BBS4: variants seen among roughly 807,000 people sequenced by gnomAD.
BBS4 encodes the protein BBSome complex member BBS4.
In BBS4, 58 loss-of-function variants were observed where a neutral mutation model predicts 71.4. The observed-to-expected ratio is 0.81, with a 90% CI of 0.66 to 1.01. BBS4 has a LOEUF of 1.01. Ranked by LOEUF, BBS4 falls within the 50% of genes least tolerant of loss-of-function variation. The pLI, the probability that BBS4 is intolerant of heterozygous loss-of-function variation, is 0.00. For missense variants in BBS4, 660 were observed against 607.9 expected (o/e 1.09, Z -0.90); for synonymous variants, 228 against 216.8 (o/e 1.05, Z -0.46).
rs575880879 is a variant in BBS4 at position 72,725,664 on chromosome 15, C to A, written c.587+1009C>A. Among the ~76,000 whole-genome samples, 26 of 150,256 alleles carry A rather than the reference C, an allele frequency of 1.7e-4. No homozygotes were observed. In the South Asian group the frequency reaches 3.9e-3, roughly 22 times the overall value. On this transcript the variant is annotated intron_variant, in intron 8 of 15. Coordinates refer to ENST00000268057, the MANE Select transcript of BBS4 (RefSeq NM_033028.5). ...GCATGAGACCAGTATCTTTTTTCCC[C>A]CTTCCCCATTTTCCCTTCCCCTTCC...
intron 8 of BBS4, among the ~76,000 whole-genome samples, chr15:72,725,163 C>T (rs975787880): frequency 6.6e-6 from 1 of 151,754 alleles, no homozygotes; most frequent in African/African-American, 2.4e-5. Flanking sequence ...TGGGCTAAAG[C>T]AATCTTCCTA....
chr15:72,727,005 T>TACA, intron 8 of BBS4, among the ~76,000 whole-genome samples: 1 of 152,180 alleles, frequency 6.6e-6, no homozygotes, highest in Admixed American at 6.5e-5. Flanking sequence ...GGGAAGCCAA[T>TACA]ATTGCTAGAA....
intron 12 of BBS4, among the ~76,000 whole-genome samples, chr15:72,733,079 G>A (rs1005874584): frequency 5.3e-5 from 8 of 152,162 alleles, no homozygotes; most frequent in Non-Finnish European, 4.4e-5. Flanking sequence ...ACTCTTGTAG[G>A]GGTTATATCT....
intron 2 of BBS4, 64 bp downstream of exon 2, chr15:72,695,292 TTTA>T (rs941803757): frequency 9.8e-6 from 12 of 1,222,024 alleles, no homozygotes; most frequent in Admixed American, 6.4e-5. Context: ...TATTTATTTA[TTTA>T]TTTTTTTTTT....
rs1177848403 is a variant in BBS4, at chr15:72,724,537, C to G, written c.469C>G (p.Gln157Glu). The G allele has an allele frequency of 2.3e-5, 37 of 1,613,832 alleles. No homozygotes were observed. The highest frequency in any genetic ancestry group is 3.1e-5 in the Non-Finnish European group (37 of 1,179,912). ...TTGTTAAACTTGTCAGGCACAAGAC[C>G]AGTTGCACAATGCCCTGAATCTTAA... ...YLKQFNKAQD[Q>E]LHNALNLNRH... Residue 157 changes from glutamine (Q) to glutamate (E), a missense_variant, in exon 8 of 16, where the codon CAG becomes GAG. By Grantham distance (29) the Gln-to-Glu change is conservative. Coordinates refer to ENST00000268057, the MANE Select transcript of BBS4 (RefSeq NM_033028.5).
Position 72,727,929 on chromosome 15 carries a change from C to CT in BBS4, c.588-10dup. 1 of 1,605,220 alleles carries CT rather than the reference C, an allele frequency of 6.2e-7. No homozygotes were observed. The highest frequency in any genetic ancestry group is 8.5e-7 in the Non-Finnish European group (1 of 1,171,960). ...ACATCTTGTTTCCCTCTGAGCATCT[C>CT]TATGTTGCAGGTTCTCACCAGAAAA... On this transcript the variant is annotated splice_polypyrimidine_tract_variant and intron_variant, in intron 8 of 15. Coordinates refer to ENST00000268057, the MANE Select transcript of BBS4 (RefSeq NM_033028.5).
At chr15:72,702,862 CAG>C (rs2065197252) in intron 2 of BBS4, among the ~76,000 whole-genome samples, 1 of 121,684 alleles carries the variant, frequency 8.2e-6, no homozygotes, top group Non-Finnish European at 1.6e-5. Context: ...GGCTGGAGTG[CAG>C]TGGCGGGATC....
Position 72,736,153 on chromosome 15 carries a change from G to A in BBS4, c.1248+187G>A, listed in dbSNP as rs114529591. Among the ~76,000 whole-genome samples the A allele has an allele frequency of 2.3e-3, 347 of 151,706 alleles. 1 individual carries two copies. Among genetic ancestry groups the A allele is most frequent in the African/African-American group, 8.2e-3 (340 of 41,346 alleles). ...AACTTTCCTAGAATAATAATAAAAG[G>A]AAATTCAGGCTTACTGAGTTGTTAT... On this transcript the variant is annotated intron_variant, in intron 14 of 15. Transcript: ENST00000268057.
intron 9 of BBS4, among the ~76,000 whole-genome samples, chr15:72,728,902 T>C (rs1044430203): frequency 1.3e-5 from 2 of 152,156 alleles, no homozygotes; most frequent in Admixed American, 1.3e-4. Flanking sequence ...GTCTATTTCA[T>C]TTTTCTTTAA....
At chr15:72,698,128 A>T (rs2065109372) in intron 2 of BBS4, 1 of 443,364 alleles carries the variant, frequency 2.3e-6, no homozygotes, top group African/African-American at 2.0e-5. Flanking sequence ...GCCATAGCTG[A>T]GGATGAGTTT....
intron 2 of BBS4, among the ~76,000 whole-genome samples, chr15:72,697,457 G>A (rs1041517805): frequency 1.5e-4 from 23 of 152,134 alleles, no homozygotes; most frequent in Non-Finnish European, 2.9e-4. Context: ...TTGTAGGATG[G>A]TTAACAACAT....
chr15:72,727,672 C>T (rs1438868662), intron 8 of BBS4, among the ~76,000 whole-genome samples: 1 of 152,110 alleles, frequency 6.6e-6, no homozygotes, highest in East Asian at 1.9e-4. Context: ...TCATGCAAAA[C>T]ATTCTATAGG....
In BBS4 at chr15:72,735,165, A is replaced by C. The variant is rs1458788200; in HGVS notation, c.1089A>C (p.Glu363Asp). ...DIENAKRAYA[E>D]AVHLDKCNPL... is the part of the protein sequence containing the mutation. ...AAAATGCCAAGAGAGCCTACGCAGA[A>C]GCAGTCCACCTGGATAAGTATGCAC... Residue 363 changes from glutamate to aspartate, a missense_variant, in exon 13 of 16, where the codon GAA (glutamate) becomes GAC (aspartate). By Grantham distance (45) the Glu-to-Asp change is conservative. Transcript: ENST00000268057. 5 of 1,613,738 alleles carry C rather than the reference A, an allele frequency of 3.1e-6. No individual in the cohort carries two copies. The highest frequency in any genetic ancestry group is 4.2e-6 in the Non-Finnish European group (5 of 1,179,730).
intron 1 of BBS4, among the ~76,000 whole-genome samples, chr15:72,692,561 C>G (rs532873525): frequency 1.8e-4 from 28 of 151,680 alleles, no homozygotes; most frequent in Admixed American, 9.8e-4. Context: ...AATCGGCCTG[C>G]CTCAGCCTAC....
chr15:72,696,883 A>T (rs3850988), intron 2 of BBS4, among the ~76,000 whole-genome samples: 331 of 152,004 alleles, frequency 2.2e-3, no homozygotes, highest in African/African-American at 7.7e-3. Flanking sequence ...GAGCTATTGC[A>T]CCTGGGTTAT....
At chr15:72,733,081 G>C (rs1017714664) in intron 12 of BBS4, among the ~76,000 whole-genome samples, 3 of 152,158 alleles carry the variant, frequency 2.0e-5, no homozygotes, top group African/African-American at 4.8e-5. Context: ...TCTTGTAGGG[G>C]TTATATCTAG....
chr15:72,703,827 A>G (rs1856335911), intron 2 of BBS4, among the ~76,000 whole-genome samples: 2 of 152,206 alleles, frequency 1.3e-5, no homozygotes, highest in African/African-American at 4.8e-5. Flanking sequence ...CTGAACCATA[A>G]TAATTTTCTG....
At chr15:72,701,729 T>C (rs1246536271) in intron 2 of BBS4, among the ~76,000 whole-genome samples, 1 of 152,228 alleles carries the variant, frequency 6.6e-6, no homozygotes, top group East Asian at 1.9e-4. Flanking sequence ...TTACTGTAAG[T>C]ATGTATTTTT....
chr15:72,692,557 C>G (rs993335396), intron 1 of BBS4, among the ~76,000 whole-genome samples: 10 of 151,624 alleles, frequency 6.6e-5, no homozygotes, highest in African/African-American at 2.4e-4. Context: ...AAGCAATCGG[C>G]CTGCCTCAGC....
Sources: gnomAD v4.1 joint callset for allele counts (sites outside exome capture counted in the v4.1 genomes callset) on GRCh38, gnomAD v4.1.1 for gene constraint, MANE v1.5 for transcripts, NCBI Gene and HGNC (gene_info 2026-07-23, HGNC 2026-07-21) for gene names.